The following RAB39A variants were observed in gnomAD, a reference collection of about 807,000 sequenced individuals.
RAB39A encodes RAB39A, member RAS oncogene family, also known as ras-related protein Rab-39A.
Under a neutral mutation model 20.9 loss-of-function variants are expected in RAB39A, and 17 were observed. The ratio of observed to expected loss-of-function variants is 0.81; its 90% confidence interval spans 0.56 to 1.22. RAB39A has a LOEUF of 1.22. Ranked by LOEUF, RAB39A falls within the 50% of genes most tolerant of loss-of-function variation. The pLI is 0.00. For missense variants in RAB39A, 234 were observed against 270.5 expected, an observed-to-expected ratio of 0.87 and a Z score of 0.95; for synonymous variants, 99 against 103.4, an observed-to-expected ratio of 0.96 and a Z score of 0.26.
chr11:107,957,624 G>C (rs1861450725), intron 1 of RAB39A, among the ~76,000 whole-genome samples: 1 of 152,170 alleles, frequency 6.6e-6, no homozygotes, highest in Admixed American at 6.5e-5. Flanking sequence ...ACTGCTAGGA[G>C]CTTATAACCC....
intron 1 of RAB39A, among the ~76,000 whole-genome samples, chr11:107,933,887 C>T (rs1007397806): frequency 6.6e-6 from 1 of 151,790 alleles, no homozygotes; most frequent in African/African-American, 2.4e-5. Context: ...AACTCCTGAC[C>T]TCAAGTGATC....
Position 107,928,876 on chromosome 11 carries a change from G to A in RAB39A, c.227+81G>A. 3 of 1,204,662 alleles carry A rather than the reference G, an allele frequency of 2.5e-6. No homozygotes were observed. Among genetic ancestry groups the A allele is most frequent in the South Asian group, 1.6e-5 (1 of 61,498 alleles). 74.6% of individuals were successfully genotyped at this position (1,204,662 alleles called of 1,614,324 possible). On this transcript the variant is annotated intron_variant, in intron 1 of 1. Transcript: ENST00000320578. The surrounding 1 kb of genome is among the most constrained non-coding windows in gnomAD (Gnocchi z 4.9). Reference sequence around the variant, plus strand: ...CCCTTCCCCAGGCGTCCGCCCCGCCGGCCCTGGTCGGGAGAGGCTCTGGCC... The same window carrying A: ...CCCTTCCCCAGGCGTCCGCCCCGCCAGCCCTGGTCGGGAGAGGCTCTGGCC...
At chr11:107,948,907 T>C (rs996007366) in intron 1 of RAB39A, among the ~76,000 whole-genome samples, 3 of 152,216 alleles carry the variant, frequency 2.0e-5, no homozygotes, top group African/African-American at 7.2e-5. Context: ...TGGAGTACGC[T>C]ATGACTTTCT....
intron 1 of RAB39A, among the ~76,000 whole-genome samples, chr11:107,934,772 T>C (rs1414734241): frequency 6.6e-6 from 1 of 151,316 alleles, no homozygotes; most frequent in East Asian, 1.9e-4. Context: ...CTACTAAAAA[T>C]ACAAAAATTA....
chr11:107,948,110 G>C (rs768446263), intron 1 of RAB39A, among the ~76,000 whole-genome samples: 1 of 152,092 alleles, frequency 6.6e-6, no homozygotes, highest in African/African-American at 2.4e-5. Context: ...TTAGGATCAC[G>C]TGTGTGCTGC....
At chr11:107,956,669 G>C (rs1156558944) in intron 1 of RAB39A, among the ~76,000 whole-genome samples, 1 of 152,214 alleles carries the variant, frequency 6.6e-6, no homozygotes, top group East Asian at 1.9e-4. Context: ...GTTATTAGCA[G>C]TATTCCTCAG....
chr11:107,946,138 C>CA (rs1861304742), intron 1 of RAB39A, among the ~76,000 whole-genome samples: 1 of 150,624 alleles, frequency 6.6e-6, no homozygotes, highest in Non-Finnish European at 1.5e-5. Flanking sequence ...GGAAATTTGT[C>CA]ATGTGAAACC....
At chr11:107,961,771 G>A (rs928472020) in intron 1 of RAB39A, among the ~76,000 whole-genome samples, 175 bp from the exon 2 acceptor site, 40 of 152,104 alleles carry the variant, frequency 2.6e-4, no homozygotes, top group Non-Finnish European at 4.9e-4. Context: ...TATGAAACTT[G>A]CGTATTAGTC....
chr11:107,954,987 CTTTTTTTTTTTTTTTTTT>C (rs60838211), intron 1 of RAB39A, among the ~76,000 whole-genome samples: 1 of 54,860 alleles, frequency 1.8e-5, no homozygotes, highest in Non-Finnish European at 3.1e-5. Flanking sequence ...AGAAAGCATG[CTTTTTTTTTTTTTTTTTT>C]TTTTTTTTTG....
At chr11:107,948,532 G>A (rs4753823) in intron 1 of RAB39A, among the ~76,000 whole-genome samples, 49,002 of 151,282 alleles carry the variant, frequency 0.32, 8,645 homozygotes, top group East Asian at 0.49. Context: ...TCAGTCTGTC[G>A]CCCATCCCCC....
chr11:107,960,991 G>T (rs1043446022), intron 1 of RAB39A, among the ~76,000 whole-genome samples: 1 of 152,180 alleles, frequency 6.6e-6, no homozygotes, highest in Non-Finnish European at 1.5e-5. Flanking sequence ...GAAGGATGGA[G>T]ACTAGATCTG....
At chr11:107,938,746 A>G (rs1861227652) in intron 1 of RAB39A, among the ~76,000 whole-genome samples, 1 of 151,686 alleles carries the variant, frequency 6.6e-6, no homozygotes. Context: ...AAAAAAAAAA[A>G]AAAGAAAGAA....
chr11:107,955,519 T>C (rs1861425397), intron 1 of RAB39A, among the ~76,000 whole-genome samples: 1 of 152,154 alleles, frequency 6.6e-6, no homozygotes, highest in Non-Finnish European at 1.5e-5. Context: ...TTCCACTTAA[T>C]GGATCAGAGA....
At chr11:107,945,048 TG>T (rs1861295055) in intron 1 of RAB39A, among the ~76,000 whole-genome samples, 1 of 151,900 alleles carries the variant, frequency 6.6e-6, no homozygotes, top group African/African-American at 2.4e-5. Flanking sequence ...CCAGGCATGG[TG>T]GCAGATGCCT....
chr11:107,951,844 A>G (rs990968461), intron 1 of RAB39A, among the ~76,000 whole-genome samples: 1 of 152,064 alleles, frequency 6.6e-6, no homozygotes, highest in Non-Finnish European at 1.5e-5. Context: ...TCATTTAACA[A>G]CAGCATCTTA....
chr11:107,929,057 G>C (rs1861112066), intron 1 of RAB39A, among the ~76,000 whole-genome samples: 1 of 150,932 alleles, frequency 6.6e-6, no homozygotes, highest in African/African-American at 2.4e-5. Context: ...AACCGGGGTC[G>C]TCCTCGCCGC....
At chr11:107,940,289 G>A (rs1861246216) in intron 1 of RAB39A, among the ~76,000 whole-genome samples, 2 of 151,336 alleles carry the variant, frequency 1.3e-5, no homozygotes, top group African/African-American at 4.9e-5. Flanking sequence ...TTTTTTAGAT[G>A]AGTCACATTC....
chr11:107,930,213 G>C (rs1241492238), intron 1 of RAB39A, among the ~76,000 whole-genome samples: 1 of 151,934 alleles, frequency 6.6e-6, no homozygotes, highest in African/African-American at 2.4e-5. Context: ...ACAACACGTA[G>C]AATTCCATGA....
chr11:107,930,533 A>C (rs1475928782), intron 1 of RAB39A, among the ~76,000 whole-genome samples: 1 of 152,194 alleles, frequency 6.6e-6, no homozygotes, highest in East Asian at 1.9e-4. Context: ...TGGGTAATAA[A>C]ATCTTATTGT....
Sources: allele counts gnomAD v4.1 joint callset (sites outside exome capture counted in the v4.1 genomes callset), GRCh38; gene constraint gnomAD v4.1.1; non-coding constraint Gnocchi (gnomAD v3.1); transcripts MANE v1.5; gene names NCBI Gene and HGNC (gene_info 2026-07-23, HGNC 2026-07-21).